ALDH5A1: variants seen among roughly 807,000 people sequenced by gnomAD.
ALDH5A1 encodes the protein succinate-semialdehyde dehydrogenase, mitochondrial.
In ALDH5A1, 33 loss-of-function variants were observed where a neutral mutation model predicts 54.7. The observed-to-expected ratio is 0.60, with a 90% confidence interval of 0.46 to 0.81. ALDH5A1 has a LOEUF of 0.81. Among genes scored for constraint, ALDH5A1 ranks in the 30% least tolerant of loss-of-function variants. ALDH5A1 has a pLI of 0.00. For synonymous variants in ALDH5A1, 294 were observed against 292.7 expected (o/e 1.00, Z -0.05); for missense variants, 657 against 711.0 (o/e 0.92, Z 0.86).
rs912565317 is a variant in ALDH5A1 at position 24,536,387 on chromosome 6, G to A, written c.*2675G>A. ...TGTCCATAAACAAAATGTTATTAGAGCATAGCCACACCCATTCATTTATGG... is the reference window on the plus strand; with the variant it reads ...TGTCCATAAACAAAATGTTATTAGAACATAGCCACACCCATTCATTTATGG... On this transcript the variant is annotated 3_prime_UTR_variant, in exon 10 of 10. Coordinates refer to ENST00000357578, the MANE Select transcript of ALDH5A1 (RefSeq NM_001080.3). 12 of 152,178 alleles carry A rather than the reference G, an allele frequency of 7.9e-5. No individual in the cohort carries two copies. Among genetic ancestry groups the A allele is most frequent in the African/African-American group, 2.9e-4 (12 of 41,444 alleles). The allele number at this position is 152,178 out of a possible 1,614,324, so 9.4% of individuals were successfully genotyped here.
In ALDH5A1 at chr6:24,527,988, AT is replaced by A; in HGVS notation, c.1174-7del. 6.2e-7 allele frequency: 1 copy of A among 1,613,804 alleles called. No homozygotes were observed. Among genetic ancestry groups the A allele is most frequent in the Non-Finnish European group, 8.5e-7 (1 of 1,179,836 alleles). ...ATGTGGAAAGCTTTTTTTCTTCCTCATTACACAGGTGGAGAAACAGGTGAAT... is the reference window on the plus strand; with the variant it reads ...ATGTGGAAAGCTTTTTTTCTTCCTCATACACAGGTGGAGAAACAGGTGAAT... On this transcript the variant is annotated splice_region_variant and splice_polypyrimidine_tract_variant and intron_variant, in intron 7 of 9. Transcript: ENST00000357578.
intron 1 of ALDH5A1, 59 bp from the exon 2 acceptor site, chr6:24,502,464 A>C: frequency 8.0e-7 from 1 of 1,250,790 alleles, no homozygotes; most frequent in Non-Finnish European, 1.2e-6. Context: ...AATTTTATTT[A>C]GCATTCTGTC....
intron 4 of ALDH5A1, 38 bp downstream of exon 4, chr6:24,505,023 A>C: frequency 6.2e-7 from 1 of 1,604,672 alleles, no homozygotes; most frequent in Non-Finnish European, 8.5e-7. Context: ...AAGCAGACAA[A>C]GTTCAAAAAT....
intron 9 of ALDH5A1, 144 bp from the exon 10 acceptor site, chr6:24,533,363 C>T (rs570331707): frequency 8.3e-6 from 7 of 844,194 alleles, no homozygotes; most frequent in Admixed American, 2.0e-5. Flanking sequence ...GTGGACAAGA[C>T]CAACCTGGGA....
chr6:24,532,759 C>T (rs1759960143), intron 9 of ALDH5A1, among the ~76,000 whole-genome samples: 3 of 152,048 alleles, frequency 2.0e-5, no homozygotes, highest in African/African-American at 4.8e-5. Flanking sequence ...GCCACTATAG[C>T]TCTATAGAAG....
intron 8 of ALDH5A1, among the ~76,000 whole-genome samples, chr6:24,529,649 G>A (rs1186538986): frequency 1.5e-5 from 2 of 137,466 alleles, no homozygotes; most frequent in Non-Finnish European, 3.2e-5. Flanking sequence ...TCTTTAATAC[G>A]GTTTTTTTGT....
chr6:24,532,466 A>C (rs750025409), intron 9 of ALDH5A1, among the ~76,000 whole-genome samples: 1 of 152,194 alleles, frequency 6.6e-6, no homozygotes, highest in Non-Finnish European at 1.5e-5. Flanking sequence ...TCAAAGTCCC[A>C]CATTCTCAGA....
intron 8 of ALDH5A1, among the ~76,000 whole-genome samples, chr6:24,530,945 T>A (rs898938365): frequency 1.3e-5 from 2 of 152,248 alleles, no homozygotes; most frequent in East Asian, 3.8e-4. Context: ...GGTCTCGAGC[T>A]CGCTCTCACG....
At chr6:24,516,862 G>A (rs1438917119) in intron 5 of ALDH5A1, among the ~76,000 whole-genome samples, 1 of 152,170 alleles carries the variant, frequency 6.6e-6, no homozygotes, top group Non-Finnish European at 1.5e-5. Context: ...GGTTGAGGCT[G>A]CAGTGAGTTG....
chr6:24,519,471 T>C (rs1759633693), intron 5 of ALDH5A1, among the ~76,000 whole-genome samples: 1 of 151,958 alleles, frequency 6.6e-6, no homozygotes. Context: ...AGGCTGAGGC[T>C]GAAGAATTGC....
rs2127378795 is a variant in ALDH5A1 at position 24,495,038 on chromosome 6, C to T, written c.42C>T (p.Arg14=). The T allele has an allele frequency of 7.4e-7, 1 of 1,351,326 alleles. No homozygotes were observed. The allele number at this position is 1,351,326 out of a possible 1,614,324, so 83.7% of individuals were successfully genotyped here. A position where few individuals can be genotyped will look rare whatever the true frequency, so the allele number is the denominator to read the frequency against. The change falls in exon 1 of 10, where the codon CGC becomes CGT. Residue 14 remains arginine (R), a synonymous_variant. Coordinates refer to ENST00000357578, the MANE Select transcript of ALDH5A1 (RefSeq NM_001080.3). ...GGCTGCGGAGCTGTGGGGCCCGGCG[C>T]CTCGGGTCGACGTTTCCAGGCTGCC... ...CIWLRSCGAR[R]LGSTFPGCRL...
intron 8 of ALDH5A1, among the ~76,000 whole-genome samples, chr6:24,530,446 T>G (rs987294233): frequency 6.6e-6 from 1 of 152,236 alleles, no homozygotes; most frequent in African/African-American, 2.4e-5. Flanking sequence ...GTCTCAGAGC[T>G]CCTCAGACAT....
chr6:24,533,219 C>T (rs1759968994), intron 9 of ALDH5A1, among the ~76,000 whole-genome samples: 1 of 151,990 alleles, frequency 6.6e-6, no homozygotes, highest in Non-Finnish European at 1.5e-5. Context: ...AAGGCTTGGG[C>T]AAAAATGTCG....
At chr6:24,529,670 G>GTTTTTT (rs55878931) in intron 8 of ALDH5A1, among the ~76,000 whole-genome samples, 877 of 86,242 alleles carry the variant, frequency 0.01, 4 homozygotes, top group Non-Finnish European at 0.015. Context: ...TTTGGTTTGG[G>GTTTTTT]TTTTTTTTTT....
chr6:24,515,422 A>T, intron 5 of ALDH5A1, 112 bp downstream of exon 5: 2 of 1,339,168 alleles, frequency 1.5e-6, no homozygotes, highest in South Asian at 2.5e-5. Context: ...TTTCCAGCAG[A>T]GTGTTAAAAG....
Position 24,495,040 on chromosome 6 carries a change from T to A in ALDH5A1, c.44T>A (p.Leu15His). The A allele has an allele frequency of 7.4e-7, 1 of 1,350,756 alleles. No individual in the cohort carries two copies. The highest frequency in any genetic ancestry group is 9.5e-7 in the Non-Finnish European group (1 of 1,054,264). The allele number at this position is 1,350,756 out of a possible 1,614,324, so 83.7% of individuals were successfully genotyped here. ...IWLRSCGARR[L>H]GSTFPGCRLR... ...CTGCGGAGCTGTGGGGCCCGGCGCC[T>A]CGGGTCGACGTTTCCAGGCTGCCGC... Residue 15 changes from leucine (L) to histidine (H), a missense_variant, in exon 1 of 10, where the codon CTC becomes CAC. This residue lies in a region of ALDH5A1 where 232 missense variants were observed against 194.6 expected (regional missense o/e 1.19). Transcript: ENST00000357578.
Position 24,502,507 on chromosome 6 carries a change from G to T in ALDH5A1, c.355-16G>T. The T allele has an allele frequency of 1.3e-6, 2 of 1,583,856 alleles. No individual in the cohort carries two copies. The highest frequency in any genetic ancestry group is 1.7e-6 in the Non-Finnish European group (2 of 1,152,632). On this transcript the variant is annotated splice_polypyrimidine_tract_variant and intron_variant, in intron 1 of 9. Coordinates refer to ENST00000357578, the MANE Select transcript of ALDH5A1 (RefSeq NM_001080.3). ...TGGCATTTTATTACTTTTCTGCCTT[G>T]TTATTTCTTTTGCAGGAGAGGAGTT...
intron 3 of ALDH5A1, among the ~76,000 whole-genome samples, chr6:24,504,013 T>G (rs1759265827): frequency 6.6e-6 from 1 of 152,152 alleles, no homozygotes; most frequent in Non-Finnish European, 1.5e-5. Context: ...TATTAACCTC[T>G]CTCCTGTATC....
At position 24,532,734 on chromosome 6, in the gene ALDH5A1, A is replaced by C. The variant is rs114051721; in HGVS notation, c.1402+557A>C. ...GCAAATGAAGTACTGCAGAAGATAC[A>C]AAGACATACAAGATGCCACTATAGC... On this transcript the variant is annotated intron_variant, in intron 9 of 9. Transcript: ENST00000357578. Among the ~76,000 whole-genome samples the C allele has an allele frequency of 3.4e-3, 525 of 152,218 alleles. 1 individual carries two copies. Among genetic ancestry groups the C allele is most frequent in the African/African-American group, 0.012 (488 of 41,538 alleles).
Sources: allele counts gnomAD v4.1 joint callset (sites outside exome capture counted in the v4.1 genomes callset), GRCh38; gene constraint gnomAD v4.1.1; regional missense constraint gnomAD v4.1.1; transcripts MANE v1.5; gene names NCBI Gene and HGNC (gene_info 2026-07-23, HGNC 2026-07-21).